Variants in HMCN1 observed in about 807,000 individuals in gnomAD.
The protein encoded by HMCN1 is hemicentin-1.
HMCN1 carries 321 observed loss-of-function variants against 625.9 expected under a neutral mutation model. The observed-to-expected ratio is 0.51, with a 90% CI of 0.47 to 0.56. The LOEUF (loss-of-function observed/expected upper bound fraction) is 0.56, where lower values mean the gene tolerates loss of function less well. HMCN1 is among the 20% of genes least tolerant of loss of function. HMCN1 has a pLI of 0.00. For synonymous variants in HMCN1, 2,425 were observed against 2,417.6 expected (o/e 1.00, Z -0.09); for missense variants, 6,588 against 6,887.3 (o/e 0.96, Z 1.54).
At chr1:185,979,234 A>T (rs184512085) in intron 16 of HMCN1, among the ~76,000 whole-genome samples, 7 of 152,206 alleles carry the variant, frequency 4.6e-5, no homozygotes, top group Admixed American at 2.6e-4. Flanking sequence ...GAAAAAATGG[A>T]TTTGATGAGC....
chr1:185,786,192 C>T (rs1378454065), intron 1 of HMCN1, among the ~76,000 whole-genome samples: 1 of 152,140 alleles, frequency 6.6e-6, no homozygotes, highest in Admixed American at 6.6e-5. Flanking sequence ...CCAAGGAGGC[C>T]TCTTTTAGTT....
chr1:186,001,260 T>C (rs749408956), intron 26 of HMCN1, 38 bp from the exon 27 acceptor site: 2 of 1,573,586 alleles, frequency 1.3e-6, no homozygotes, highest in African/African-American at 2.7e-5. Context: ...TAATATTTAT[T>C]ATGAAACTAG....
At chr1:185,774,923 CACTT>C (rs1208243573) in intron 1 of HMCN1, among the ~76,000 whole-genome samples, 3 of 152,242 alleles carry the variant, frequency 2.0e-5, no homozygotes, top group South Asian at 4.1e-4. Flanking sequence ...GGTGGGCAAA[CACTT>C]AATTAAAATG....
chr1:186,099,536 C>T (rs1426646566), intron 68 of HMCN1, among the ~76,000 whole-genome samples: 1 of 152,068 alleles, frequency 6.6e-6, no homozygotes, highest in African/African-American at 2.4e-5. Flanking sequence ...CATGCAAATG[C>T]ATCACTAAGA....
intron 35 of HMCN1, 142 bp downstream of exon 35, chr1:186,019,837 TAG>T (rs1654602944): frequency 3.2e-6 from 2 of 627,342 alleles, no homozygotes; most frequent in East Asian, 5.8e-5. Context: ...GCATTTTTCT[TAG>T]AGTTTTTAAG....
rs1404814377 is a variant in HMCN1 at position 186,001,284 on chromosome 1, CTCT to C, written c.4070-13_4070-11del. On this transcript the variant is annotated splice_polypyrimidine_tract_variant and intron_variant, in intron 26 of 106. Transcript: ENST00000271588. ...TTATGAAACTAGCTAGCTATGACTC[CTCT>C]CTTTTTGCAGTTCCTCCAGTAATTA... The C allele has an allele frequency of 6.2e-7, 1 of 1,607,496 alleles. No individual in the cohort carries two copies. Among genetic ancestry groups the C allele is most frequent in the Non-Finnish European group, 8.5e-7 (1 of 1,175,108 alleles).
intron 1 of HMCN1, among the ~76,000 whole-genome samples, chr1:185,779,115 C>T (rs1015748499): frequency 1.3e-5 from 2 of 152,164 alleles, no homozygotes; most frequent in Non-Finnish European, 2.9e-5. Flanking sequence ...AGCATTTTTT[C>T]ATGTGTCTGT....
chr1:186,069,622 C>T, intron 50 of HMCN1, 41 bp from the exon 51 acceptor site: 1 of 1,318,808 alleles, frequency 7.6e-7, no homozygotes, highest in South Asian at 1.2e-5. Flanking sequence ...TCCACTGTCA[C>T]TGTGATTTTA....
intron 89 of HMCN1, among the ~76,000 whole-genome samples, chr1:186,139,592 G>A (rs1279431484): frequency 1.3e-5 from 2 of 148,958 alleles, no homozygotes; most frequent in Non-Finnish European, 3.0e-5. Flanking sequence ...CTATTCTATT[G>A]GCTTGTTTTT....
chr1:186,134,644 G>GA (rs888672617), intron 86 of HMCN1, among the ~76,000 whole-genome samples: 2 of 152,042 alleles, frequency 1.3e-5, no homozygotes, highest in African/African-American at 4.8e-5. Context: ...TACCTTTGCA[G>GA]AAAAAAACTA....
chr1:185,884,637 T>C (rs974175814), intron 4 of HMCN1, among the ~76,000 whole-genome samples: 1 of 152,048 alleles, frequency 6.6e-6, no homozygotes, highest in African/African-American at 2.4e-5. Context: ...GAGGGTAGTT[T>C]CTAACTTGGC....
rs762258823 is a variant in HMCN1 at position 186,173,640 on chromosome 1, C to CAAA, written c.15815-861_15815-859dup. On this transcript the variant is annotated intron_variant, in intron 102 of 106. Coordinates refer to ENST00000271588, the MANE Select transcript of HMCN1 (RefSeq NM_031935.3). ...TGGGTGACAGAGCGAGACTCCATCT[C>CAAA]AAAAAAAAAAAAAAAGAAAAAAGAA... Among the ~76,000 whole-genome samples, 37 of 74,698 alleles carry CAAA rather than the reference C, an allele frequency of 5.0e-4. 1 individual carries two copies. The highest frequency in any genetic ancestry group is 1.4e-3 in the African/African-American group (28 of 19,866). 49.0% of individuals were successfully genotyped at this position (74,698 alleles called of 152,430 possible).
At chr1:185,790,184 A>G (rs560363243) in intron 1 of HMCN1, among the ~76,000 whole-genome samples, 72 of 152,362 alleles carry the variant, frequency 4.7e-4, no homozygotes, top group African/African-American at 1.6e-3. Flanking sequence ...CTATTTTAAA[A>G]TATGCATCTT....
intron 4 of HMCN1, among the ~76,000 whole-genome samples, chr1:185,866,458 G>A (rs1165439737): frequency 7.3e-6 from 1 of 137,820 alleles, no homozygotes; most frequent in Non-Finnish European, 1.5e-5. Flanking sequence ...AGGCTGGAGT[G>A]CAGTGGCACA....
At chr1:186,050,081 C>T (rs1256213614) in intron 42 of HMCN1, among the ~76,000 whole-genome samples, 1 of 150,712 alleles carries the variant, frequency 6.6e-6, no homozygotes, top group African/African-American at 2.4e-5. Context: ...ATATCTAGTT[C>T]ATTTATTTAA....
chr1:185,961,124 GA>G lies in HMCN1; in HGVS notation c.1829-1387del, dbSNP rs1195846564. Among the ~76,000 whole-genome samples the G allele has an allele frequency of 3.3e-5, 5 of 151,948 alleles. No individual in the cohort carries two copies. The East Asian group carries it at 7.8e-4, about 24-fold the overall frequency. On this transcript the variant is annotated intron_variant, in intron 11 of 106. Transcript: ENST00000271588. Reference sequence around the variant, plus strand: ...AATTTGAAAAACACAATGTAAACAGGAAAAAAAGGGGAGGGGGACAATTGTA... The same window carrying G: ...AATTTGAAAAACACAATGTAAACAGGAAAAAAGGGGAGGGGGACAATTGTA...
chr1:186,122,872 G>C (rs1388358887), intron 80 of HMCN1, 79 bp from the exon 81 acceptor site: 2 of 1,414,774 alleles, frequency 1.4e-6, no homozygotes, highest in Admixed American at 3.4e-5. Context: ...ATGTTTGCTA[G>C]AGCAGTACTG....
chr1:186,096,403 C>A (rs1660142163), intron 68 of HMCN1, among the ~76,000 whole-genome samples: 1 of 152,072 alleles, frequency 6.6e-6, no homozygotes, highest in Non-Finnish European at 1.5e-5. Flanking sequence ...ACACTAGAGA[C>A]TATTAATGTG....
intron 9 of HMCN1, among the ~76,000 whole-genome samples, chr1:185,928,272 AT>A (rs1421915555): frequency 6.6e-6 from 1 of 152,156 alleles, no homozygotes; most frequent in Non-Finnish European, 1.5e-5. Context: ...GTTATCTTAT[AT>A]TTTGACATAG....
Sources: allele counts gnomAD v4.1 joint callset (sites outside exome capture counted in the v4.1 genomes callset), GRCh38; gene constraint gnomAD v4.1.1; transcripts MANE v1.5; gene names NCBI Gene and HGNC (gene_info 2026-07-23, HGNC 2026-07-21).